NPAS2: variants seen among roughly 807,000 people sequenced by gnomAD.
The protein encoded by NPAS2 is neuronal PAS domain protein 2, also known as neuronal PAS domain-containing protein 2.
A neutral mutation model predicts 107.5 loss-of-function variants in NPAS2; 23 were observed. That is an observed-to-expected ratio of 0.21 (90% CI 0.15 to 0.30). The LOEUF is 0.30. NPAS2 is among the 10% of genes least tolerant of loss of function. The pLI, the probability that NPAS2 is intolerant of heterozygous loss-of-function variation, is 1.00. For missense variants in NPAS2, 756 were observed against 1,043.3 expected (o/e 0.72, Z 3.79); for synonymous variants, 403 against 417.5 (o/e 0.97, Z 0.42).
In NPAS2 at chr2:100,891,769, T is replaced by G. The variant is rs143713083; in HGVS notation, c.-22-12964T>G. Among the ~76,000 whole-genome samples the G allele has an allele frequency of 2.0e-3, 304 of 152,342 alleles. 1 individual carries two copies. Among genetic ancestry groups the G allele is most frequent in the African/African-American group, 7.1e-3 (295 of 41,586 alleles). ...ATTCCACAGTCTAGGTGTCCAAAAC[T>G]AATTTGACTTCCTGTTTCAAGGGCA... is the stretch of plus-strand genomic sequence containing the variant. On this transcript the variant is annotated intron_variant, in intron 1 of 20. Coordinates refer to ENST00000335681, the MANE Select transcript of NPAS2 (RefSeq NM_002518.4).
intron 1 of NPAS2, among the ~76,000 whole-genome samples, chr2:100,841,440 C>CAAAAG (rs201981518): frequency 1.3e-5 from 2 of 152,118 alleles, no homozygotes; most frequent in East Asian, 3.9e-4. Context: ...AACTCCGTCT[C>CAAAAG]AAAAGAAAAG....
intron 5 of NPAS2, among the ~76,000 whole-genome samples, chr2:100,940,285 G>A (rs1012962307): frequency 3.3e-5 from 5 of 152,210 alleles, no homozygotes; most frequent in Admixed American, 1.3e-4. Context: ...AACCCAGGCT[G>A]GTCACCAGTC....
At chr2:100,917,257 T>C in intron 2 of NPAS2, among the ~76,000 whole-genome samples, 1 of 152,198 alleles carries the variant, frequency 6.6e-6, no homozygotes, top group East Asian at 1.9e-4. Context: ...CAAGGCATGG[T>C]GGCTCATGCC....
chr2:100,856,109 A>G (rs900292524), intron 1 of NPAS2, among the ~76,000 whole-genome samples: 4 of 152,184 alleles, frequency 2.6e-5, no homozygotes, highest in Non-Finnish European at 1.5e-5. Context: ...TCTAAAATTG[A>G]CATATTGAGA....
intron 1 of NPAS2, among the ~76,000 whole-genome samples, chr2:100,853,647 G>T (rs1341801553): frequency 6.6e-6 from 1 of 152,186 alleles, no homozygotes; most frequent in Non-Finnish European, 1.5e-5. Context: ...TAGTGAAAGG[G>T]CAAACTCATG....
chr2:100,893,209 T>C (rs1681191823), intron 1 of NPAS2, among the ~76,000 whole-genome samples: 1 of 152,188 alleles, frequency 6.6e-6, no homozygotes, highest in Non-Finnish European at 1.5e-5. Flanking sequence ...GGAAAAATCA[T>C]TACCAAGCTC....
At chr2:100,890,446 C>G (rs917250847) in intron 1 of NPAS2, among the ~76,000 whole-genome samples, 17 of 152,088 alleles carry the variant, frequency 1.1e-4, no homozygotes, top group Non-Finnish European at 5.9e-5. Flanking sequence ...CCCAGGGACC[C>G]TAGCCTACGG....
rs534959869 is a variant in NPAS2 at position 100,995,633 on chromosome 2, G to C, written c.*51G>C. The stretch of plus-strand genomic sequence containing the variant: ...AATCAGCTTTAACCAATGGATGAGG[G>C]GGGTGGCCACAGGAGATGGGGAGAG... On this transcript the variant is annotated 3_prime_UTR_variant, in exon 21 of 21. Transcript: ENST00000335681. 155 of 1,575,086 alleles carry C rather than the reference G, an allele frequency of 9.8e-5. No homozygotes were observed. The highest frequency in any genetic ancestry group is 1.3e-4 in the Non-Finnish European group (148 of 1,160,378).
chr2:100,853,534 CT>C (rs1461280555), intron 1 of NPAS2, among the ~76,000 whole-genome samples: 1 of 152,180 alleles, frequency 6.6e-6, no homozygotes, highest in Non-Finnish European at 1.5e-5. Flanking sequence ...TGTTTGTAAC[CT>C]CGGGCCTGGA....
At chr2:100,918,207 A>G (rs1389146852) in intron 2 of NPAS2, among the ~76,000 whole-genome samples, 2 of 152,088 alleles carry the variant, frequency 1.3e-5, no homozygotes, top group Non-Finnish European at 2.9e-5. Flanking sequence ...GATGCAGAAA[A>G]AGACTTTGGC....
intron 1 of NPAS2, among the ~76,000 whole-genome samples, chr2:100,897,954 G>A (rs1028314246): frequency 9.9e-5 from 15 of 152,202 alleles, no homozygotes; most frequent in African/African-American, 3.6e-4. Flanking sequence ...TCATCACAGA[G>A]CCCAAGAGGA....
intron 1 of NPAS2, among the ~76,000 whole-genome samples, chr2:100,901,950 A>G (rs1410446981): frequency 6.6e-6 from 1 of 152,108 alleles, no homozygotes; most frequent in Non-Finnish European, 1.5e-5. Context: ...GCTGTACGGC[A>G]TCCCTCCATT....
At chr2:100,864,491 A>T (rs149334280) in intron 1 of NPAS2, among the ~76,000 whole-genome samples, 237 of 152,320 alleles carry the variant, frequency 1.6e-3, no homozygotes, top group Non-Finnish European at 3.0e-3. Context: ...TGGAATAAAA[A>T]GTCCACGAGA....
At chr2:100,862,045 GTCAAAA>G (rs1678974631) in intron 1 of NPAS2, among the ~76,000 whole-genome samples, 1 of 152,104 alleles carries the variant, frequency 6.6e-6, no homozygotes, top group African/African-American at 2.4e-5. Flanking sequence ...AATACATTAT[GTCAAAA>G]TTAAAATTGA....
Position 100,990,413 on chromosome 2 carries a change from C to T in NPAS2, c.1985C>T (p.Pro662Leu). ...STSQDASQCQ[P>L]SPDFSHDRQL... ...TCCCAGGATGCCAGCCAGTGCCAGCCCAGCCCAGACTTCAGCCATGATCGG... is the reference window on the plus strand; with the variant it reads ...TCCCAGGATGCCAGCCAGTGCCAGCTCAGCCCAGACTTCAGCCATGATCGG... The change falls in exon 18 of 21, where the codon CCC (proline) becomes CTC (leucine). Residue 662 changes from proline (P) to leucine (L), a missense_variant. Pro to Leu is a moderately conservative substitution (Grantham distance 98). Around this residue, in one of 4 missense-constraint regions of NPAS2, gnomAD observed 496 missense variants for 594.4 expected, o/e 0.83. Transcript: ENST00000335681. 2 of 1,614,194 alleles carry T rather than the reference C, an allele frequency of 1.2e-6. No individual in the cohort carries two copies. Among genetic ancestry groups the T allele is most frequent in the South Asian group, 1.1e-5 (1 of 91,086 alleles).
intron 10 of NPAS2, among the ~76,000 whole-genome samples, chr2:100,966,987 G>GT (rs1676254096): frequency 1.3e-5 from 2 of 152,126 alleles, no homozygotes; most frequent in Non-Finnish European, 2.9e-5. Context: ...CATTAAAACT[G>GT]TAACTCCTTG....
chr2:100,940,763 G>A (rs1674526246), intron 5 of NPAS2, among the ~76,000 whole-genome samples: 1 of 152,206 alleles, frequency 6.6e-6, no homozygotes, highest in South Asian at 2.1e-4. Context: ...AGGCACTTTG[G>A]CTCCAGAGCT....
rs148858541 is a variant in NPAS2 at position 100,850,953 on chromosome 2, C to CAAAAAAAA, written c.-23+30559_-23+30566dup. 5.9e-3 allele frequency among the ~76,000 whole-genome samples: 247 copies of CAAAAAAAA among 41,856 alleles called. 53 individuals are homozygous for CAAAAAAAA. The highest frequency in any genetic ancestry group is 0.017 in the African/African-American group (168 of 10,046). 27.5% of individuals were successfully genotyped at this position (41,856 alleles called of 152,430 possible). ...GGGCAACAAGAGTGAAACTCTGTCT[C>CAAAAAAAA]AAAAAAAAAAAAAAAAAAAAAAAAA... On this transcript the variant is annotated intron_variant, in intron 1 of 20. Transcript: ENST00000335681.
chr2:100,924,081 G>T (rs1683409564), intron 2 of NPAS2, among the ~76,000 whole-genome samples: 1 of 152,076 alleles, frequency 6.6e-6, no homozygotes, highest in Admixed American at 6.5e-5. Context: ...ATTTAAAATA[G>T]ACTTTATTTT....
Sources: allele counts gnomAD v4.1 joint callset (sites outside exome capture counted in the v4.1 genomes callset), GRCh38; gene constraint gnomAD v4.1.1; regional missense constraint gnomAD v4.1.1; transcripts MANE v1.5; gene names NCBI Gene and HGNC (gene_info 2026-07-23, HGNC 2026-07-21).